KCNK9: variants seen among roughly 807,000 people sequenced by gnomAD.
KCNK9 encodes the protein potassium channel subfamily K member 9.
In KCNK9, 1 loss-of-function variant was observed where a neutral mutation model predicts 10.8. That is an observed-to-expected ratio of 0.09 (90% CI 0.03 to 0.44). The LOEUF is 0.44. KCNK9 is among the 20% of genes least tolerant of loss of function. The pLI is 0.97. For synonymous variants in KCNK9, 231 were observed against 222.7 expected (o/e 1.04, Z -0.33); for missense variants, 303 against 515.0 (o/e 0.59, Z 3.98).
At chr8:139,684,816 A>T (rs1191067390) in intron 1 of KCNK9, among the ~76,000 whole-genome samples, 1 of 152,250 alleles carries the variant, frequency 6.6e-6, no homozygotes, top group African/African-American at 2.4e-5. Context: ...TAGTCAGATT[A>T]TAAAGCAAGA....
chr8:139,604,758 G>A (rs1817449862), intron 2 of KCNK9, among the ~76,000 whole-genome samples: 1 of 152,186 alleles, frequency 6.6e-6, no homozygotes, highest in Non-Finnish European at 1.5e-5. Flanking sequence ...TTTCCTGGAT[G>A]AGCCCTGGGT....
intron 1 of KCNK9, among the ~76,000 whole-genome samples, chr8:139,645,442 T>C (rs1262669631): frequency 6.6e-6 from 1 of 152,096 alleles, no homozygotes; most frequent in Admixed American, 6.5e-5. Flanking sequence ...GGAGAGGAAG[T>C]TGGCATAGTC....
intron 1 of KCNK9, among the ~76,000 whole-genome samples, chr8:139,628,094 T>A (rs1815034579): frequency 2.0e-5 from 3 of 152,234 alleles, no homozygotes; most frequent in Admixed American, 2.0e-4. Flanking sequence ...AGGCCACACA[T>A]GCTCCAGAAA....
chr8:139,668,444 G>T (rs1252575568), intron 1 of KCNK9, among the ~76,000 whole-genome samples: 7 of 136,980 alleles, frequency 5.1e-5, no homozygotes, highest in Non-Finnish European at 7.8e-5. Flanking sequence ...TTTTTGAGAT[G>T]GAGTTTCGCT....
chr8:139,686,691 C>T (rs188236692), intron 1 of KCNK9, among the ~76,000 whole-genome samples: 2 of 152,302 alleles, frequency 1.3e-5, no homozygotes, highest in African/African-American at 4.8e-5. Flanking sequence ...ATGACCAAGA[C>T]AGAATAACAC....
intron 1 of KCNK9, among the ~76,000 whole-genome samples, chr8:139,627,387 C>A (rs905449173): frequency 1.3e-5 from 2 of 152,166 alleles, no homozygotes; most frequent in Admixed American, 6.5e-5. Context: ...ATGGTTTCAG[C>A]AAAAGCCTCA....
intron 1 of KCNK9, among the ~76,000 whole-genome samples, chr8:139,663,648 C>CAT (rs148384378): frequency 2.9e-5 from 4 of 137,600 alleles, no homozygotes; most frequent in African/African-American, 8.3e-5. Context: ...CGCGTGCGCA[C>CAT]GTGTGTGTGT....
chr8:139,634,254 C>CT (rs1486389584), intron 1 of KCNK9, among the ~76,000 whole-genome samples: 1 of 152,212 alleles, frequency 6.6e-6, no homozygotes, highest in Non-Finnish European at 1.5e-5. Flanking sequence ...AGAGGAGATC[C>CT]TGTGCCCACC....
At chr8:139,621,416 AGAG>A in intron 1 of KCNK9, among the ~76,000 whole-genome samples, 1 of 152,312 alleles carries the variant, frequency 6.6e-6, no homozygotes, top group South Asian at 2.1e-4. Context: ...GCTTAAAGTC[AGAG>A]AAGATAATGA....
intron 1 of KCNK9, among the ~76,000 whole-genome samples, chr8:139,699,996 T>C (rs1057087879): frequency 6.6e-6 from 1 of 152,150 alleles, no homozygotes; most frequent in Non-Finnish European, 1.5e-5. Context: ...CACTGCCCAA[T>C]AGGAGACAAA....
intron 1 of KCNK9, among the ~76,000 whole-genome samples, chr8:139,687,411 C>CATATATATGTGTATACACATATATTCAT (rs71318310): frequency 1.4e-5 from 1 of 73,134 alleles, no homozygotes; most frequent in Non-Finnish European, 2.8e-5. Flanking sequence ...CATATATATT[C>CATATATATGTGTATACACATATATTCAT]ATATATGTGT....
chr8:139,645,067 C>G (rs190739925), intron 1 of KCNK9, among the ~76,000 whole-genome samples: 1 of 152,196 alleles, frequency 6.6e-6, no homozygotes, highest in African/African-American at 2.4e-5. Flanking sequence ...CCTCCCGCAC[C>G]GTGTAGGCTT....
intron 1 of KCNK9, among the ~76,000 whole-genome samples, chr8:139,655,968 G>A (rs1816010171): frequency 6.6e-6 from 1 of 152,202 alleles, no homozygotes; most frequent in Non-Finnish European, 1.5e-5. Flanking sequence ...CTCTGCCCCT[G>A]CAGGGATCAG....
chr8:139,609,001 C>A (rs1015726817), downstream of KCNK9, among the ~76,000 whole-genome samples: 1 of 151,718 alleles, frequency 6.6e-6, no homozygotes, highest in East Asian at 1.9e-4. Context: ...CCCCCACCCC[C>A]GCGTATGTAT....
At chr8:139,663,641 G>A (rs935231917) in intron 1 of KCNK9, among the ~76,000 whole-genome samples, 5 of 133,248 alleles carry the variant, frequency 3.8e-5, no homozygotes, top group African/African-American at 8.6e-5. Context: ...ACAGACGCGC[G>A]TGCGCACGTG....
intron 1 of KCNK9, among the ~76,000 whole-genome samples, chr8:139,654,463 CCCTT>C (rs2129684596): frequency 6.6e-6 from 1 of 152,324 alleles, no homozygotes; most frequent in East Asian, 1.9e-4. Flanking sequence ...CATCCCCACC[CCCTT>C]CCTGAGCTCC....
intron 1 of KCNK9, among the ~76,000 whole-genome samples, chr8:139,668,316 C>T (rs1224145395): frequency 6.6e-6 from 1 of 151,874 alleles, no homozygotes; most frequent in Non-Finnish European, 1.5e-5. Context: ...TGGACATGTA[C>T]CCTTGAACTT....
In KCNK9 at chr8:139,656,964, C is replaced by T. The variant is rs966230616; in HGVS notation, c.284-37865G>A. 2.6e-5 allele frequency among the ~76,000 whole-genome samples: 4 copies of T among 152,234 alleles called. 1 individual carries two copies. In the South Asian group the frequency reaches 8.3e-4, roughly 31 times the overall value. ...CCCTCCCCAGTGCAGCCTCACCCCC[C>T]TGCAGCCCCTTGGCCTCAGTACCCA... On this transcript the variant is annotated intron_variant, in intron 1 of 1. Coordinates refer to ENST00000520439, the MANE Select transcript of KCNK9 (RefSeq NM_001282534.2).
intron 1 of KCNK9, among the ~76,000 whole-genome samples, chr8:139,665,419 C>G (rs1039064468): frequency 4.6e-5 from 7 of 152,208 alleles, no homozygotes; most frequent in African/African-American, 1.7e-4. Context: ...ATTGGGCCCA[C>G]CTGGATTGAT....
Sources: gnomAD v4.1 joint callset for allele counts (sites outside exome capture counted in the v4.1 genomes callset) on GRCh38, gnomAD v4.1.1 for gene constraint, MANE v1.5 for transcripts, NCBI Gene and HGNC (gene_info 2026-07-23, HGNC 2026-07-21) for gene names.